Variants in MSR1 observed in about 807,000 individuals in gnomAD.
MSR1 encodes the protein macrophage scavenger receptor types I and II.
In MSR1, 53 loss-of-function variants were observed where a neutral mutation model predicts 47.2. The ratio of observed to expected loss-of-function variants is 1.12; its 90% CI spans 0.90 to 1.41. The LOEUF (loss-of-function observed/expected upper bound fraction) is 1.41. Ranked by LOEUF, MSR1 falls within the 40% of genes most tolerant of loss-of-function variation. The pLI, the probability that MSR1 is intolerant of heterozygous loss-of-function variation, is 0.00. For synonymous variants in MSR1, 239 were observed against 185.6 expected (o/e 1.29, Z -2.34); for missense variants, 786 against 546.9 (o/e 1.44, Z -4.36).
chr8:16,186,726 G>C (rs1004293567), intron 1 of MSR1, among the ~76,000 whole-genome samples: 3 of 151,608 alleles, frequency 2.0e-5, no homozygotes, highest in Non-Finnish European at 4.4e-5. Flanking sequence ...TGACCTCCTG[G>C]GTTCAAGTGA....
intron 9 of MSR1, among the ~76,000 whole-genome samples, chr8:16,118,226 A>T (rs1243986021): frequency 6.6e-6 from 1 of 152,164 alleles, no homozygotes; most frequent in Non-Finnish European, 1.5e-5. Flanking sequence ...AATCCAAAAC[A>T]TCTTTTATTT....
At chr8:16,115,185 A>G (rs1218697099) in intron 9 of MSR1, among the ~76,000 whole-genome samples, 1 of 152,182 alleles carries the variant, frequency 6.6e-6, no homozygotes, top group Non-Finnish European at 1.5e-5. Flanking sequence ...ATCTCGAAAA[A>G]AAAATTGTTT....
intron 2 of MSR1, 140 bp from the exon 3 acceptor site, chr8:16,175,440 A>G (rs1389306754): frequency 2.4e-5 from 18 of 762,012 alleles, no homozygotes; most frequent in Non-Finnish European, 3.9e-5. Context: ...ACATCTTTGC[A>G]GTAGAAAGCA....
rs1420369563 is a variant in MSR1, at chr8:16,168,536, A to G, written c.552T>C (p.Asn184=). The G allele has an allele frequency of 1.9e-6, 3 of 1,614,174 alleles. No individual in the cohort carries two copies. In the South Asian group the frequency reaches 3.3e-5, roughly 18 times the overall value. Residue 184 remains asparagine, a synonymous_variant, in exon 4 of 10, where the codon AAT becomes AAC. Coordinates refer to ENST00000262101, the MANE Select transcript of MSR1 (RefSeq NM_138715.3). ...TGAGCTGCAAATCAAGCAATGTGGT[A>G]TTCAAACTTATTAAGGACTTGGAGA... ...DEISKSLISL[N]TTLLDLQLNI...
chr8:16,172,836 CAG>C (rs952243003), intron 3 of MSR1, among the ~76,000 whole-genome samples: 5 of 152,082 alleles, frequency 3.3e-5, no homozygotes, highest in African/African-American at 9.7e-5. Flanking sequence ...ATTCACTTCA[CAG>C]AGTTTTATAT....
intron 8 of MSR1, chr8:16,140,993 C>T: frequency 1.9e-6 from 3 of 1,613,962 alleles, no homozygotes; most frequent in Non-Finnish European, 2.5e-6. Flanking sequence ...CCGCCCAACC[C>T]ACCTGATCTT....
intron 8 of MSR1, among the ~76,000 whole-genome samples, chr8:16,123,120 C>T (rs940300072): frequency 6.6e-6 from 1 of 152,116 alleles, no homozygotes; most frequent in African/African-American, 2.4e-5. Context: ...GCTGGGATTA[C>T]AGGCATAAGC....
At chr8:16,122,840 A>ATTT (rs1585137942) in intron 8 of MSR1, among the ~76,000 whole-genome samples, 1 of 127,934 alleles carries the variant, frequency 7.8e-6, no homozygotes, top group Admixed American at 1.0e-4. Context: ...CTCTATTCAA[A>ATTT]TTCTTTTTTT....
intron 1 of MSR1, among the ~76,000 whole-genome samples, chr8:16,183,516 T>C (rs1350972033): frequency 6.8e-6 from 1 of 146,688 alleles, no homozygotes; most frequent in Non-Finnish European, 1.5e-5. Context: ...ATTATATAAT[T>C]ACATCTATAA....
intron 1 of MSR1, among the ~76,000 whole-genome samples, 197 bp from the exon 2 acceptor site, chr8:16,178,189 G>A (rs1228208993): frequency 2.0e-5 from 3 of 151,148 alleles, no homozygotes; most frequent in African/African-American, 7.3e-5. Flanking sequence ...TACCATGTTG[G>A]TGTGCTGCAC....
intron 8 of MSR1, among the ~76,000 whole-genome samples, chr8:16,121,742 T>C (rs1452650824): frequency 6.6e-6 from 1 of 151,870 alleles, no homozygotes; most frequent in Non-Finnish European, 1.5e-5. Context: ...TGTTATATTA[T>C]AAAAAAGATG....
At chr8:16,172,505 C>T (rs1450297746) in intron 3 of MSR1, among the ~76,000 whole-genome samples, 4 of 152,000 alleles carry the variant, frequency 2.6e-5, no homozygotes, top group African/African-American at 9.7e-5. Flanking sequence ...TGTGACTTTT[C>T]TGTTTCACAT....
chr8:16,175,193 C>T lies in MSR1; in HGVS notation c.211G>A (p.Val71Met). Reference sequence around the variant, plus strand: ...AAACTCTGGGTTACGTTACCTGCCACTATTCCAATGAGAGGGATGAGAACT... The same window carrying T: ...AAACTCTGGGTTACGTTACCTGCCATTATTCCAATGAGAGGGATGAGAACT... ...FAVLIPLIGI[V>M]AAQLLKWETK... Residue 71 changes from valine to methionine, a missense_variant, in exon 3 of 10, where the codon GTG becomes ATG. Val to Met is a conservative substitution (Grantham distance 21). Transcript: ENST00000262101. 6.2e-7 allele frequency: 1 copy of T among 1,613,668 alleles called. No homozygotes were observed. The highest frequency in any genetic ancestry group is 8.5e-7 in the Non-Finnish European group (1 of 1,179,652).
chr8:16,120,596 C>T lies in MSR1; in HGVS notation c.1044G>A (p.Thr348=), dbSNP rs748968398. 35 of 1,566,438 alleles carry T rather than the reference C, an allele frequency of 2.2e-5. 2 individuals carry two copies. In the South Asian group the frequency reaches 3.9e-4, roughly 18 times the overall value. The change falls in exon 9 of 10, where the codon ACG becomes ACA. Residue 348 remains threonine (T), a synonymous_variant. Transcript: ENST00000262101. ...KGSGNTLTPF[T]KVRLVGGSGP... is the part of the protein sequence containing the mutation. ...CGCTCCCACCGACCAGTCGAACTTT[C>T]GTAAATGGAGCTGTAAAGTTAAAAA...
chr8:16,156,933 C>G (rs1409061929), intron 5 of MSR1, among the ~76,000 whole-genome samples: 1 of 151,908 alleles, frequency 6.6e-6, no homozygotes, highest in Non-Finnish European at 1.5e-5. Flanking sequence ...ACTTCCATAA[C>G]CATGAACGCA....
intron 2 of MSR1, among the ~76,000 whole-genome samples, chr8:16,176,428 G>T (rs1224723830): frequency 6.6e-6 from 1 of 151,108 alleles, no homozygotes; most frequent in Non-Finnish European, 1.5e-5. Flanking sequence ...AATTGCTTGA[G>T]CCCAAGAGGT....
At chr8:16,114,793 T>A (rs944488001) in intron 9 of MSR1, among the ~76,000 whole-genome samples, 1 of 152,272 alleles carries the variant, frequency 6.6e-6, no homozygotes, top group Non-Finnish European at 1.5e-5. Context: ...CTAAGCCAGG[T>A]TTGCTATTTA....
intron 7 of MSR1, 138 bp from the exon 8 acceptor site, chr8:16,143,749 T>A: frequency 1.5e-6 from 1 of 667,520 alleles, no homozygotes; most frequent in South Asian, 1.8e-5. Flanking sequence ...CATTGTATAA[T>A]GTTAACAATA....
At chr8:16,178,944 C>A (rs1034752332) in intron 1 of MSR1, among the ~76,000 whole-genome samples, 2 of 151,978 alleles carry the variant, frequency 1.3e-5, no homozygotes, top group African/African-American at 2.4e-5. Context: ...AGCAAAAAAA[C>A]CATAATTAGT....
Sources: allele counts gnomAD v4.1 joint callset (sites outside exome capture counted in the v4.1 genomes callset), GRCh38; gene constraint gnomAD v4.1.1; transcripts MANE v1.5; gene names NCBI Gene and HGNC (gene_info 2026-07-23, HGNC 2026-07-21).